The following ASB3 variants were observed in gnomAD, a reference collection of about 807,000 sequenced individuals.
ASB3 encodes ankyrin repeat and SOCS box protein 3.
A neutral mutation model predicts 54.5 loss-of-function variants in ASB3; 41 were observed. The ratio of observed to expected loss-of-function variants is 0.75; its 90% CI spans 0.59 to 0.98. ASB3 has a LOEUF of 0.98. Ranked by LOEUF, ASB3 falls within the 50% of genes least tolerant of loss-of-function variation. The pLI is 0.00. For synonymous variants in ASB3, 266 were observed against 221.2 expected, an observed-to-expected ratio of 1.20 and a Z score of -1.80; for missense variants, 733 against 620.0, an observed-to-expected ratio of 1.18 and a Z score of -1.94.
intron 8 of ASB3, chr2:53,694,501 A>G (rs1669083887): frequency 6.6e-6 from 1 of 152,582 alleles, no homozygotes; most frequent in Non-Finnish European, 1.5e-5. Flanking sequence ...GTTCTCCTCT[A>G]AGAACCTTCC....
intron 9 of ASB3, among the ~76,000 whole-genome samples, chr2:53,681,307 C>G (rs1668360003): frequency 6.6e-6 from 1 of 152,176 alleles, no homozygotes; most frequent in Non-Finnish European, 1.5e-5. Flanking sequence ...ACTTTCTCCC[C>G]TTCTGTGGGC....
chr2:53,715,562 CAATATCT>C (rs1407604029), intron 6 of ASB3, among the ~76,000 whole-genome samples: 1 of 152,050 alleles, frequency 6.6e-6, no homozygotes, highest in Non-Finnish European at 1.5e-5. Context: ...GTTCAGAGTA[CAATATCT>C]AACACTTATG....
chr2:53,772,282 C>A (rs927835188), intron 1 of ASB3, among the ~76,000 whole-genome samples: 1 of 152,134 alleles, frequency 6.6e-6, no homozygotes, highest in Non-Finnish European at 1.5e-5. Flanking sequence ...TCACGCCATT[C>A]TCCTGCCTCA....
chr2:53,703,964 T>A (rs577242716), intron 7 of ASB3, among the ~76,000 whole-genome samples: 2 of 152,304 alleles, frequency 1.3e-5, no homozygotes, highest in South Asian at 4.1e-4. Flanking sequence ...ATAATTAATT[T>A]TGGAAAATTG....
At chr2:53,781,354 A>G (rs1340054370) in intron 1 of ASB3, among the ~76,000 whole-genome samples, 2 of 151,864 alleles carry the variant, frequency 1.3e-5, no homozygotes, top group Non-Finnish European at 2.9e-5. Context: ...TGAGGCTACA[A>G]TGAGCCAAAA....
intron 2 of ASB3, among the ~76,000 whole-genome samples, chr2:53,757,694 A>C (rs1033882454): frequency 6.6e-6 from 1 of 152,202 alleles, no homozygotes; most frequent in African/African-American, 2.4e-5. Context: ...CTATGAACCC[A>C]GGGAATCTTG....
At chr2:53,725,800 T>A (rs575687791) in intron 5 of ASB3, among the ~76,000 whole-genome samples, 1 of 152,312 alleles carries the variant, frequency 6.6e-6, no homozygotes, top group South Asian at 2.1e-4. Flanking sequence ...AGTCTATAGA[T>A]CCTTCAGAAA....
At chr2:53,757,233 G>C (rs192231206) in intron 2 of ASB3, among the ~76,000 whole-genome samples, 15 of 152,322 alleles carry the variant, frequency 9.8e-5, no homozygotes, top group Admixed American at 9.8e-4. Context: ...AATTAGTGTG[G>C]CTGCCAGACT....
At chr2:53,775,094 A>G (rs1175189106) in intron 1 of ASB3, 1 of 152,672 alleles carries the variant, frequency 6.5e-6, no homozygotes, top group Non-Finnish European at 1.5e-5. Flanking sequence ...TTTCCTTGGA[A>G]TTATAATGTA....
intron 9 of ASB3, among the ~76,000 whole-genome samples, chr2:53,675,903 C>T (rs1207203067): frequency 3.3e-5 from 5 of 152,146 alleles, no homozygotes; most frequent in Non-Finnish European, 5.9e-5. Context: ...ACCTGCATTG[C>T]AGGGCATGGA....
chr2:53,703,880 T>C (rs1669622973), intron 7 of ASB3, among the ~76,000 whole-genome samples: 1 of 152,200 alleles, frequency 6.6e-6, no homozygotes, highest in African/African-American at 2.4e-5. Flanking sequence ...ATTGTTGCTA[T>C]AAAAATAAAA....
intron 5 of ASB3, among the ~76,000 whole-genome samples, chr2:53,727,053 A>G (rs1671041740): frequency 6.6e-6 from 1 of 152,192 alleles, no homozygotes; most frequent in Non-Finnish European, 1.5e-5. Context: ...ATGATGTAGT[A>G]GAAGGAAGAT....
At chr2:53,700,036 A>C (rs551502621) in intron 8 of ASB3, among the ~76,000 whole-genome samples, 14 of 152,240 alleles carry the variant, frequency 9.2e-5, no homozygotes, top group African/African-American at 3.1e-4. Flanking sequence ...CTCTTAGAAG[A>C]GCTCACTGGC....
chr2:53,670,700 C>T lies in ASB3; in HGVS notation c.1370-10G>A. 1 of 1,579,700 alleles carries T rather than the reference C, an allele frequency of 6.3e-7. No homozygotes were observed. Among genetic ancestry groups the T allele is most frequent in the Non-Finnish European group, 8.6e-7 (1 of 1,166,020 alleles). ...AGGGATGGAACAGTGGCTGGAGAAA[C>T]AAAAAAAGCAAGGTGAAACTTTTTT... On this transcript the variant is annotated splice_polypyrimidine_tract_variant and intron_variant, in intron 9 of 9. Transcript: ENST00000263634.
intron 5 of ASB3, among the ~76,000 whole-genome samples, chr2:53,719,226 G>A (rs941712648): frequency 3.3e-5 from 5 of 152,130 alleles, no homozygotes; most frequent in African/African-American, 1.2e-4. Context: ...CCCAACCAGG[G>A]GTCAATATTC....
intron 2 of ASB3, among the ~76,000 whole-genome samples, chr2:53,756,713 T>A (rs369712302): frequency 3.3e-5 from 5 of 152,280 alleles, no homozygotes; most frequent in African/African-American, 1.2e-4. Flanking sequence ...AACTGCACAC[T>A]CTCTGGTCCG....
At chr2:53,765,671 T>A in intron 1 of ASB3, 86 bp from the exon 2 acceptor site, 1 of 1,498,240 alleles carries the variant, frequency 6.7e-7, no homozygotes, top group South Asian at 1.2e-5. Context: ...TGGGCCTGTC[T>A]AGTATCTCTC....
At chr2:53,704,779 A>T (rs1669679351) in intron 7 of ASB3, among the ~76,000 whole-genome samples, 3 of 152,216 alleles carry the variant, frequency 2.0e-5, no homozygotes, top group South Asian at 4.1e-4. Context: ...GTTTTCCTTT[A>T]CCTATTAGGT....
intron 3 of ASB3, among the ~76,000 whole-genome samples, chr2:53,747,077 T>A (rs998138903): frequency 6.6e-6 from 1 of 152,142 alleles, no homozygotes; most frequent in African/African-American, 2.4e-5. Flanking sequence ...AAACTATGCA[T>A]CTCTAATTTT....
Sources: gnomAD v4.1 joint callset for allele counts (sites outside exome capture counted in the v4.1 genomes callset) on GRCh38, gnomAD v4.1.1 for gene constraint, MANE v1.5 for transcripts, NCBI Gene and HGNC (gene_info 2026-07-23, HGNC 2026-07-21) for gene names.